The following NELL1 variants were observed in gnomAD, a reference collection of about 807,000 sequenced individuals.
The protein encoded by NELL1 is neural EGFL like 1.
A neutral mutation model predicts 107.4 loss-of-function variants in NELL1; 76 were observed. That is an observed-to-expected ratio of 0.71 (90% CI 0.59 to 0.86). NELL1 has a LOEUF of 0.86. Among genes scored for constraint, NELL1 ranks in the 40% least tolerant of loss-of-function variants. NELL1 has a pLI of 0.00. For synonymous variants in NELL1, 353 were observed against 341.2 expected (o/e 1.03, Z -0.38); for missense variants, 1,024 against 1,005.5 (o/e 1.02, Z -0.25).
At chr11:21,422,799 A>G (rs1260173677) in intron 15 of NELL1, among the ~76,000 whole-genome samples, 3 of 152,168 alleles carry the variant, frequency 2.0e-5, no homozygotes, top group Non-Finnish European at 4.4e-5. Context: ...TCATATAGGA[A>G]ACAAATAAGA....
intron 16 of NELL1, among the ~76,000 whole-genome samples, chr11:21,550,963 C>G (rs1375469614): frequency 6.6e-6 from 1 of 151,158 alleles, no homozygotes; most frequent in East Asian, 2.0e-4. Flanking sequence ...TTGATTCTTC[C>G]TACCCATGAG....
chr11:21,424,365 A>G (rs1852767826), intron 15 of NELL1, among the ~76,000 whole-genome samples: 1 of 152,196 alleles, frequency 6.6e-6, no homozygotes, highest in Non-Finnish European at 1.5e-5. Context: ...TCACGCTTGT[A>G]ATACCAGCAC....
At chr11:21,528,150 G>A (rs528508906) in intron 15 of NELL1, among the ~76,000 whole-genome samples, 3 of 152,274 alleles carry the variant, frequency 2.0e-5, no homozygotes, top group African/African-American at 4.8e-5. Flanking sequence ...GGGATTATAA[G>A]TTACAGAACG....
intron 16 of NELL1, among the ~76,000 whole-genome samples, chr11:21,544,316 G>T (rs971018804): frequency 2.0e-5 from 3 of 151,736 alleles, no homozygotes; most frequent in Non-Finnish European, 2.9e-5. Flanking sequence ...TATACCATAG[G>T]GACTTTTAAA....
chr11:21,547,931 G>A (rs1280381495), intron 16 of NELL1, among the ~76,000 whole-genome samples: 1 of 151,644 alleles, frequency 6.6e-6, no homozygotes, highest in Admixed American at 6.6e-5. Flanking sequence ...AACTGTTTGG[G>A]GACACATGTA....
At chr11:21,570,070 T>G (rs1279788383) in intron 17 of NELL1, among the ~76,000 whole-genome samples, 1 of 151,894 alleles carries the variant, frequency 6.6e-6, no homozygotes, top group Non-Finnish European at 1.5e-5. Context: ...GACTTTCAAT[T>G]TTTTATAGCT....
At chr11:20,892,932 A>G (rs1240000979) in intron 5 of NELL1, among the ~76,000 whole-genome samples, 1 of 151,404 alleles carries the variant, frequency 6.6e-6, no homozygotes, top group South Asian at 2.1e-4. Context: ...GTGTCTCAAA[A>G]AAAAAAAAAA....
chr11:21,493,839 A>G (rs1188091114), intron 15 of NELL1, among the ~76,000 whole-genome samples: 2 of 152,068 alleles, frequency 1.3e-5, no homozygotes, highest in Admixed American at 6.6e-5. Flanking sequence ...CATTCTATGC[A>G]TGTAACAAAC....
chr11:21,032,061 T>C (rs1024619034), intron 12 of NELL1, among the ~76,000 whole-genome samples: 3 of 145,922 alleles, frequency 2.1e-5, no homozygotes, highest in Admixed American at 2.0e-4. Context: ...ATAATAATAA[T>C]AATAATAATA....
chr11:20,783,379 C>A (rs933358661), intron 2 of NELL1, among the ~76,000 whole-genome samples: 2 of 147,048 alleles, frequency 1.4e-5, no homozygotes, highest in Non-Finnish European at 3.0e-5. Flanking sequence ...CACTGTCTGG[C>A]CAATTGGGAA....
At chr11:21,459,148 A>G (rs1045246959) in intron 15 of NELL1, among the ~76,000 whole-genome samples, 33 of 152,014 alleles carry the variant, frequency 2.2e-4, no homozygotes, top group Admixed American at 1.7e-3. Flanking sequence ...TAAAATGTAT[A>G]GGGTAGTCAC....
At chr11:20,794,832 C>A (rs1196224359) in intron 3 of NELL1, among the ~76,000 whole-genome samples, 1 of 152,066 alleles carries the variant, frequency 6.6e-6, no homozygotes, top group Non-Finnish European at 1.5e-5. Flanking sequence ...ATCACCCAAA[C>A]CTGGTAATGT....
intron 12 of NELL1, among the ~76,000 whole-genome samples, chr11:21,043,226 G>C (rs967492122): frequency 2.0e-5 from 3 of 152,028 alleles, no homozygotes; most frequent in African/African-American, 7.2e-5. Context: ...TACTATGACT[G>C]GGCCCAGGCA....
intron 14 of NELL1, among the ~76,000 whole-genome samples, chr11:21,321,474 A>G (rs1214533875): frequency 6.6e-6 from 1 of 152,100 alleles, no homozygotes; most frequent in African/African-American, 2.4e-5. Flanking sequence ...TTCTCTTTTT[A>G]TCTCATATAA....
chr11:21,152,142 G>A (rs1312348023), intron 13 of NELL1, among the ~76,000 whole-genome samples: 1 of 152,160 alleles, frequency 6.6e-6, no homozygotes, highest in Non-Finnish European at 1.5e-5. Flanking sequence ...TCACAGTTCG[G>A]TATGTTTTCC....
intron 12 of NELL1, among the ~76,000 whole-genome samples, chr11:20,993,275 A>G (rs756554007): frequency 3.9e-5 from 6 of 152,132 alleles, no homozygotes; most frequent in Non-Finnish European, 7.3e-5. Context: ...ATGATTGCTG[A>G]GTGACACATC....
intron 2 of NELL1, among the ~76,000 whole-genome samples, chr11:20,704,299 C>T (rs143524396): frequency 6.6e-6 from 1 of 152,102 alleles, no homozygotes; most frequent in South Asian, 2.1e-4. Flanking sequence ...GGTTTAAAGT[C>T]TGTTTTATCA....
rs1188105451 is a variant in NELL1 at position 20,975,851 on chromosome 11, T to TAC, written c.1300+15293_1300+15294dup. Among the ~76,000 whole-genome samples the TAC allele has an allele frequency of 6.8e-4, 93 of 137,646 alleles. 1 individual carries two copies. The highest frequency in any genetic ancestry group is 2.1e-3 in the African/African-American group (79 of 38,292). 90.3% of individuals were successfully genotyped at this position (137,646 alleles called of 152,430 possible). On this transcript the variant is annotated intron_variant, in intron 12 of 19. Transcript: ENST00000357134. ...TATATGTACATATGTGTATTATATA[T>TAC]ACATATATGTGTATTATATATACAC... is the stretch of plus-strand genomic sequence containing the variant.
intron 5 of NELL1, among the ~76,000 whole-genome samples, chr11:20,917,315 A>G (rs962930509): frequency 3.9e-5 from 6 of 151,960 alleles, no homozygotes; most frequent in African/African-American, 1.4e-4. Context: ...TTTCCAATTA[A>G]TATTTTTTTC....
Sources: allele counts gnomAD v4.1 joint callset (sites outside exome capture counted in the v4.1 genomes callset), GRCh38; gene constraint gnomAD v4.1.1; transcripts MANE v1.5; gene names NCBI Gene and HGNC (gene_info 2026-07-23, HGNC 2026-07-21).